The following GPD2 variants were observed in gnomAD, a reference collection of about 807,000 sequenced individuals.
GPD2 encodes glycerol-3-phosphate dehydrogenase, mitochondrial.
GPD2 carries 54 observed loss-of-function variants against 82.4 expected under a neutral mutation model. The observed-to-expected ratio is 0.66, with a 90% CI of 0.53 to 0.82. The LOEUF (loss-of-function observed/expected upper bound fraction) is 0.82. Ranked by LOEUF, GPD2 falls within the 40% of genes least tolerant of loss-of-function variation. GPD2 has a pLI of 0.00. For synonymous variants in GPD2, 288 were observed against 306.1 expected, an observed-to-expected ratio of 0.94 and a Z score of 0.62; for missense variants, 748 against 896.2, an observed-to-expected ratio of 0.83 and a Z score of 2.11.
intron 2 of GPD2, among the ~76,000 whole-genome samples, chr2:156,490,228 AG>A (rs1227732264): frequency 3.9e-5 from 6 of 152,218 alleles, no homozygotes; most frequent in African/African-American, 1.2e-4. Flanking sequence ...ATTCTAGGAA[AG>A]GTAGAGTGCA....
At chr2:156,500,734 T>G (rs964554891) in intron 3 of GPD2, among the ~76,000 whole-genome samples, 11 of 152,324 alleles carry the variant, frequency 7.2e-5, no homozygotes, top group African/African-American at 2.6e-4. Context: ...AAACAAAGAC[T>G]ATAGAGGACA....
rs1411345970 is a variant in GPD2 at position 156,529,729 on chromosome 2, G to T, written c.661+16233G>T. 9.9e-5 allele frequency among the ~76,000 whole-genome samples: 15 copies of T among 150,962 alleles called. No individual in the cohort carries two copies. The East Asian group carries it at 2.8e-3, about 28-fold the overall frequency. On this transcript the variant is annotated intron_variant, in intron 6 of 16. Coordinates refer to ENST00000438166, the MANE Select transcript of GPD2 (RefSeq NM_000408.5). ...CCCATTGCTTGTTTTTCTCAGGTTTGTCAAAGATCAGATAGTTGTAGATAT... is the reference window on the plus strand; with the variant it reads ...CCCATTGCTTGTTTTTCTCAGGTTTTTCAAAGATCAGATAGTTGTAGATAT...
intron 13 of GPD2, among the ~76,000 whole-genome samples, chr2:156,577,802 C>T (rs1439192867): frequency 6.6e-6 from 1 of 152,178 alleles, no homozygotes; most frequent in Non-Finnish European, 1.5e-5. Context: ...GTGTTAGCTG[C>T]TGTGGCTCTC....
At chr2:156,503,237 G>C (rs1684657557) in intron 3 of GPD2, among the ~76,000 whole-genome samples, 1 of 152,078 alleles carries the variant, frequency 6.6e-6, no homozygotes, top group African/African-American at 2.4e-5. Flanking sequence ...TGCTCCTCTG[G>C]CTTTTTTACC....
intron 1 of GPD2, among the ~76,000 whole-genome samples, chr2:156,468,400 G>A (rs1228305197): frequency 6.6e-6 from 1 of 152,194 alleles, no homozygotes; most frequent in East Asian, 1.9e-4. Context: ...GTGAGGCCTG[G>A]CCCTCTGAGT....
intron 1 of GPD2, among the ~76,000 whole-genome samples, chr2:156,471,838 G>A (rs1558914953): frequency 6.6e-6 from 1 of 152,148 alleles, no homozygotes; most frequent in East Asian, 1.9e-4. Context: ...TAATCCTACA[G>A]ATAGATTAAT....
intron 1 of GPD2, among the ~76,000 whole-genome samples, chr2:156,472,815 A>C (rs1031195054): frequency 6.6e-6 from 1 of 152,216 alleles, no homozygotes; most frequent in Non-Finnish European, 1.5e-5. Flanking sequence ...TTTTGAGACC[A>C]AAGGCAGGAC....
chr2:156,524,178 C>T (rs1054748468), intron 6 of GPD2, among the ~76,000 whole-genome samples: 1 of 145,274 alleles, frequency 6.9e-6, no homozygotes, highest in Non-Finnish European at 1.5e-5. Flanking sequence ...AGTGTGGATT[C>T]ATTCTTTTTT....
At chr2:156,531,652 T>A (rs1245840565) in intron 6 of GPD2, among the ~76,000 whole-genome samples, 2 of 152,338 alleles carry the variant, frequency 1.3e-5, no homozygotes, top group Admixed American at 1.3e-4. Context: ...CTGAGGCCAC[T>A]GAGTCTGCAC....
At chr2:156,525,034 C>T (rs1685552311) in intron 6 of GPD2, among the ~76,000 whole-genome samples, 1 of 152,106 alleles carries the variant, frequency 6.6e-6, no homozygotes, top group Non-Finnish European at 1.5e-5. Context: ...CAACTATCTG[C>T]CTACCTTAAG....
At chr2:156,575,963 T>C (rs949784717) in intron 13 of GPD2, among the ~76,000 whole-genome samples, 2 of 152,204 alleles carry the variant, frequency 1.3e-5, no homozygotes, top group Non-Finnish European at 2.9e-5. Context: ...AATAACAAGA[T>C]ACCAGAGGGA....
chr2:156,449,864 A>AAAAAAAAAAAAAC (rs1682493248), intron 1 of GPD2, among the ~76,000 whole-genome samples: 1 of 148,146 alleles, frequency 6.8e-6, no homozygotes, highest in Non-Finnish European at 1.5e-5. Context: ...TACAAAAAAA[A>AAAAAAAAAAAAAC]AAAAGCCGGG....
At chr2:156,448,046 T>A (rs1682428692) in intron 1 of GPD2, among the ~76,000 whole-genome samples, 1 of 152,144 alleles carries the variant, frequency 6.6e-6, no homozygotes, top group Non-Finnish European at 1.5e-5. Flanking sequence ...TCATCTTTTC[T>A]CTCACTGCCT....
the GPD2 span, among the ~76,000 whole-genome samples, chr2:156,400,296 C>T: frequency 1.3e-5 from 2 of 152,244 alleles, no homozygotes; most frequent in African/African-American, 4.8e-5. Context: ...CCATGAGCAC[C>T]CGAGGCGACG....
At chr2:156,426,012 T>A in the GPD2 span, among the ~76,000 whole-genome samples, 1 of 149,470 alleles carries the variant, frequency 6.7e-6, no homozygotes, top group East Asian at 2.0e-4. Flanking sequence ...AAGCTCCGCC[T>A]CCCCGGTTCA....
chr2:156,518,584 G>A (rs553998527), intron 6 of GPD2, among the ~76,000 whole-genome samples: 7 of 152,212 alleles, frequency 4.6e-5, no homozygotes, highest in Admixed American at 2.0e-4. Context: ...AAGAAAGCCC[G>A]GGTTAAAGAC....
At chr2:156,569,224 A>T (rs1229006173) in intron 10 of GPD2, 139 bp from the exon 11 acceptor site, 91 of 701,874 alleles carry the variant, frequency 1.3e-4, no homozygotes, top group Admixed American at 2.4e-4. Flanking sequence ...CATTTTTTTT[A>T]TTCTGAATTA....
At chr2:156,441,410 C>T (rs1682172695) in intron 1 of GPD2, among the ~76,000 whole-genome samples, 1 of 151,924 alleles carries the variant, frequency 6.6e-6, no homozygotes, top group Non-Finnish European at 1.5e-5. Flanking sequence ...AAAGAAAAAA[C>T]TAGCCAGGTG....
chr2:156,544,216 G>A (rs1686437414), intron 6 of GPD2, among the ~76,000 whole-genome samples: 1 of 152,120 alleles, frequency 6.6e-6, no homozygotes, highest in African/African-American at 2.4e-5. Flanking sequence ...GATGGCTTTA[G>A]CTCAGGGGGC....
Sources: allele counts gnomAD v4.1 joint callset (sites outside exome capture counted in the v4.1 genomes callset), GRCh38; gene constraint gnomAD v4.1.1; transcripts MANE v1.5; gene names NCBI Gene and HGNC (gene_info 2026-07-23, HGNC 2026-07-21).